The following SRFBP1 variants were observed in gnomAD, a reference collection of about 807,000 sequenced individuals.
The protein encoded by SRFBP1 is serum response factor binding protein 1.
In SRFBP1, 47 loss-of-function variants were observed where a neutral mutation model predicts 45.5. That is an observed-to-expected ratio of 1.03 (90% CI 0.82 to 1.32). The LOEUF (loss-of-function observed/expected upper bound fraction) is 1.32. SRFBP1 is among the 40% of genes most tolerant of loss of function. The probability of loss-of-function intolerance (pLI) is 0.00; values close to 1 mark genes in which losing one functional copy is unlikely to be tolerated. For synonymous variants in SRFBP1, 203 were observed against 166.3 expected, an observed-to-expected ratio of 1.22 and a Z score of -1.70; for missense variants, 621 against 484.6, an observed-to-expected ratio of 1.28 and a Z score of -2.64.
At chr5:122,059,563 A>G (rs575587529) in intron 2 of SRFBP1, among the ~76,000 whole-genome samples, 1 of 152,228 alleles carries the variant, frequency 6.6e-6, no homozygotes, top group African/African-American at 2.4e-5. Context: ...GAATGGTGAG[A>G]GTAGCAAGAG....
At chr5:122,046,315 T>A (rs1214597973) in intron 2 of SRFBP1, among the ~76,000 whole-genome samples, 1 of 152,088 alleles carries the variant, frequency 6.6e-6, no homozygotes, top group African/African-American at 2.4e-5. Context: ...TTTGTCCTTG[T>A]GATAGTTTGC....
intron 2 of SRFBP1, among the ~76,000 whole-genome samples, chr5:122,052,568 A>G (rs1754007818): frequency 6.6e-6 from 1 of 152,092 alleles, no homozygotes; most frequent in Admixed American, 6.5e-5. Context: ...GCATTATGCA[A>G]TTCTTGCAGT....
At chr5:122,012,029 T>C (rs1753104390) in intron 4 of SRFBP1, among the ~76,000 whole-genome samples, 1 of 152,128 alleles carries the variant, frequency 6.6e-6, no homozygotes. Flanking sequence ...GGTCATGAAA[T>C]GTGAAAGTTA....
chr5:122,019,346 G>C lies in SRFBP1; in HGVS notation c.352+5G>C. 1.2e-6 allele frequency: 2 copies of C among 1,606,342 alleles called. No individual in the cohort carries two copies. The highest frequency in any genetic ancestry group is 1.7e-6 in the Non-Finnish European group (2 of 1,174,986). Reference sequence around the variant, plus strand: ...AAAAGATAGATGTGCTAAAAGGTATGAATTAAATGACTTTTAAGCCATGTA... The same window carrying C: ...AAAAGATAGATGTGCTAAAAGGTATCAATTAAATGACTTTTAAGCCATGTA... On this transcript the variant is annotated splice_donor_5th_base_variant and intron_variant, in intron 5 of 7. Coordinates refer to ENST00000339397, the MANE Select transcript of SRFBP1 (RefSeq NM_152546.3).
intron 4 of SRFBP1, among the ~76,000 whole-genome samples, chr5:122,003,654 G>A (rs1255653820): frequency 6.6e-6 from 1 of 151,948 alleles, no homozygotes; most frequent in African/African-American, 2.4e-5. Context: ...CATAATGGTG[G>A]TATTAATTTA....
intron 1 of SRFBP1, among the ~76,000 whole-genome samples, chr5:121,966,330 C>G (rs1388100084): frequency 6.6e-6 from 1 of 152,050 alleles, no homozygotes; most frequent in African/African-American, 2.4e-5. Context: ...TTACTCTATC[C>G]TGATGATTAT....
chr5:122,030,529 A>C (rs1205392960), downstream of SRFBP1, among the ~76,000 whole-genome samples: 1 of 152,014 alleles, frequency 6.6e-6, no homozygotes, highest in Non-Finnish European at 1.5e-5. Flanking sequence ...TATTTGTTTC[A>C]TCTGAGTTAG....
At chr5:122,009,087 G>T (rs1194555848) in intron 4 of SRFBP1, among the ~76,000 whole-genome samples, 3 of 152,124 alleles carry the variant, frequency 2.0e-5, no homozygotes, top group African/African-American at 7.2e-5. Context: ...AAGTTGTATT[G>T]CTAGTCTTTT....
At chr5:122,042,843 A>C (rs961656107) in intron 2 of SRFBP1, among the ~76,000 whole-genome samples, 5 of 152,120 alleles carry the variant, frequency 3.3e-5, no homozygotes, top group Non-Finnish European at 7.4e-5. Flanking sequence ...TAACCTTTAA[A>C]GTTAAAGGTA....
chr5:122,019,606 A>G (rs1198273347), intron 5 of SRFBP1, among the ~76,000 whole-genome samples: 2 of 150,940 alleles, frequency 1.3e-5, no homozygotes, highest in Admixed American at 6.6e-5. Context: ...ATAAAGTTGA[A>G]TAGTTTTTTT....
intron 6 of SRFBP1, among the ~76,000 whole-genome samples, chr5:122,021,183 A>G (rs1753311852): frequency 6.6e-6 from 1 of 152,208 alleles, no homozygotes; most frequent in Non-Finnish European, 1.5e-5. Context: ...ATCCAGGACC[A>G]TTATTGTAAA....
intron 3 of SRFBP1, 37 bp from the exon 4 acceptor site, chr5:121,994,560 GAC>G: frequency 7.5e-7 from 1 of 1,336,488 alleles, no homozygotes; most frequent in Non-Finnish European, 1.1e-6. Context: ...GATAAAAATA[GAC>G]ACATAACTAA....
In SRFBP1 at chr5:122,020,136, A is replaced by G; in HGVS notation, c.401A>G (p.Glu134Gly). ...KEARQNVAEV[E>G]SSKNASEDNH... ...GCAAGACAAAATGTTGCTGAAGTTG[A>G]GTCATCAAAGAATGCTTCAGAGGAC... is the stretch of plus-strand genomic sequence containing the variant. The change falls in exon 6 of 8, where the codon GAG becomes GGG. Residue 134 changes from glutamate (E) to glycine (G), a missense_variant. Transcript: ENST00000339397. 1 of 1,590,252 alleles carries G rather than the reference A, an allele frequency of 6.3e-7. No individual in the cohort carries two copies. The highest frequency in any genetic ancestry group is 8.5e-7 in the Non-Finnish European group (1 of 1,171,402).
downstream of SRFBP1, among the ~76,000 whole-genome samples, chr5:122,078,774 C>A (rs1447280996): frequency 6.6e-6 from 1 of 152,188 alleles, no homozygotes; most frequent in East Asian, 1.9e-4. Context: ...AGCAAATAAA[C>A]CCCAGGATAT....
intron 3 of SRFBP1, among the ~76,000 whole-genome samples, chr5:121,990,645 A>G (rs1752602160): frequency 6.6e-6 from 1 of 152,192 alleles, no homozygotes; most frequent in African/African-American, 2.4e-5. Context: ...AACATGTGTC[A>G]TTGTGCTTGA....
rs1754281312 is a variant in SRFBP1, at chr5:122,065,747, G to GTTTTTCAATT, written n.312-9562_312-9553dup. On this transcript the variant is annotated intron_variant and non_coding_transcript_variant, in intron 2 of 2. Transcript: ENST00000504881. Reference sequence around the variant, plus strand: ...TAGAAAACTTGAAAAATCCTAAAATGTTTTTCAATTTTTTTAAGCTATTTG... The same window carrying GTTTTTCAATT: ...TAGAAAACTTGAAAAATCCTAAAATGTTTTTCAATTTTTTTCAATTTTTTTAAGCTATTTG... 2 of 151,976 alleles carry GTTTTTCAATT rather than the reference G, an allele frequency of 1.3e-5. 1 individual carries two copies. The highest frequency in any genetic ancestry group is 2.9e-5 in the Non-Finnish European group (2 of 67,948). The allele number at this position is 151,976 out of a possible 1,614,324, so 9.4% of individuals were successfully genotyped here. A position where few individuals can be genotyped will look rare whatever the true frequency, so the allele number is the denominator to read the frequency against.
chr5:121,979,012 C>T (rs991392327), intron 3 of SRFBP1, among the ~76,000 whole-genome samples: 1 of 152,184 alleles, frequency 6.6e-6, no homozygotes, highest in Non-Finnish European at 1.5e-5. Flanking sequence ...AGCTTACAAT[C>T]AGCAGTTAGG....
At chr5:121,993,581 C>T (rs2112673851) in intron 3 of SRFBP1, among the ~76,000 whole-genome samples, 2 of 152,220 alleles carry the variant, frequency 1.3e-5, no homozygotes, top group East Asian at 3.9e-4. Context: ...TTGGACAAAT[C>T]ACGATTTGAG....
intron 2 of SRFBP1, among the ~76,000 whole-genome samples, chr5:122,048,506 C>CT (rs1487959098): frequency 3.3e-5 from 5 of 152,066 alleles, no homozygotes; most frequent in Admixed American, 2.0e-4. Context: ...CTAAAATTCT[C>CT]TTTTTTTGTT....
Sources: allele counts gnomAD v4.1 joint callset (sites outside exome capture counted in the v4.1 genomes callset), GRCh38; gene constraint gnomAD v4.1.1; transcripts MANE v1.5; gene names NCBI Gene and HGNC (gene_info 2026-07-23, HGNC 2026-07-21).